Variants in ANO4 observed in about 807,000 individuals in gnomAD.
ANO4 encodes the protein anoctamin-4.
Under a neutral mutation model 141.9 loss-of-function variants are expected in ANO4, and 69 were observed. That is an observed-to-expected ratio of 0.49 (90% CI 0.40 to 0.59). The LOEUF is 0.59. Among genes scored for constraint, ANO4 ranks in the 20% least tolerant of loss-of-function variants. ANO4 has a pLI of 0.00. For synonymous variants in ANO4, 350 were observed against 394.3 expected (o/e 0.89, Z 1.33); for missense variants, 894 against 1,162.2 (o/e 0.77, Z 3.36).
intron 9 of ANO4, among the ~76,000 whole-genome samples, chr12:101,028,020 C>T (rs367925920): frequency 3.9e-5 from 6 of 152,136 alleles, no homozygotes; most frequent in East Asian, 3.9e-4. Context: ...TCTCCAGGTG[C>T]GGGAGCGAAC....
intron 1 of ANO4, among the ~76,000 whole-genome samples, chr12:100,828,164 C>A (rs369513526): frequency 1.3e-5 from 2 of 152,060 alleles, no homozygotes; most frequent in African/African-American, 4.8e-5. Context: ...TACCTACCTT[C>A]AGACCATTTC....
intron 1 of ANO4, among the ~76,000 whole-genome samples, chr12:100,801,543 G>C (rs1481498355): frequency 2.7e-5 from 4 of 150,060 alleles, no homozygotes; most frequent in African/African-American, 9.8e-5. Flanking sequence ...CCTCCAGAAA[G>C]CCACAAACTA....
chr12:100,831,462 A>G (rs1284077206), intron 1 of ANO4, among the ~76,000 whole-genome samples: 1 of 152,072 alleles, frequency 6.6e-6, no homozygotes, highest in Non-Finnish European at 1.5e-5. Context: ...CTATTATATA[A>G]CAAGTCCCGT....
intron 14 of ANO4, among the ~76,000 whole-genome samples, chr12:101,070,292 A>G (rs937583854): frequency 2.6e-5 from 4 of 152,128 alleles, no homozygotes; most frequent in Non-Finnish European, 4.4e-5. Context: ...GTAACCAAAA[A>G]GGCCAAGTAC....
At chr12:101,097,423 A>G (rs1270221376) in intron 19 of ANO4, among the ~76,000 whole-genome samples, 1 of 152,182 alleles carries the variant, frequency 6.6e-6, no homozygotes, top group Non-Finnish European at 1.5e-5. Context: ...AAGCAGCAAG[A>G]ACTGGCTTCT....
At chr12:101,034,076 G>GGCTCT (rs2047095575) in intron 9 of ANO4, among the ~76,000 whole-genome samples, 1 of 152,188 alleles carries the variant, frequency 6.6e-6, no homozygotes, top group Non-Finnish European at 1.5e-5. Flanking sequence ...GGAAGACAGT[G>GGCTCT]TGGGGATTCC....
chr12:100,919,059 A>C (rs2041482451), intron 2 of ANO4, among the ~76,000 whole-genome samples: 1 of 152,198 alleles, frequency 6.6e-6, no homozygotes, highest in African/African-American at 2.4e-5. Context: ...ATGCTTATAG[A>C]ATATGGATAT....
chr12:100,752,322 C>CCTA (rs1225890097), intron 3 of ANO4, among the ~76,000 whole-genome samples: 7 of 151,920 alleles, frequency 4.6e-5, no homozygotes, highest in East Asian at 1.9e-4. Flanking sequence ...TGTATTGTGA[C>CCTA]CTACTACTAC....
At chr12:101,036,314 A>G (rs1337311326) in intron 9 of ANO4, among the ~76,000 whole-genome samples, 1 of 152,172 alleles carries the variant, frequency 6.6e-6, no homozygotes, top group African/African-American at 2.4e-5. Flanking sequence ...TAAAAAATGA[A>G]CTACCGTATG....
At chr12:100,748,147 T>C (rs2135489577) in intron 3 of ANO4, among the ~76,000 whole-genome samples, 1 of 152,306 alleles carries the variant, frequency 6.6e-6, no homozygotes, top group Non-Finnish European at 1.5e-5. Flanking sequence ...CCCAATGTTA[T>C]GTTGCTATGA....
At chr12:100,835,498 G>A (rs1051874754) in intron 1 of ANO4, among the ~76,000 whole-genome samples, 2 of 152,118 alleles carry the variant, frequency 1.3e-5, no homozygotes, top group African/African-American at 4.8e-5. Flanking sequence ...TTGCTTTGAT[G>A]TTGTAAAGTA....
intron 14 of ANO4, among the ~76,000 whole-genome samples, chr12:101,074,990 G>A (rs2048965245): frequency 6.6e-6 from 1 of 152,130 alleles, no homozygotes; most frequent in African/African-American, 2.4e-5. Flanking sequence ...TCATAGATAT[G>A]ATCTGGGTTT....
At chr12:101,073,592 T>TAATAATAATAATAAA in intron 14 of ANO4, among the ~76,000 whole-genome samples, 1 of 143,716 alleles carries the variant, frequency 7.0e-6, no homozygotes, top group African/African-American at 2.5e-5. Context: ...ATAATAATAA[T>TAATAATAATAATAAA]AATAAAAGAA....
At chr12:101,095,476 A>G (rs909833092) in intron 18 of ANO4, among the ~76,000 whole-genome samples, 1 of 152,192 alleles carries the variant, frequency 6.6e-6, no homozygotes, top group Non-Finnish European at 1.5e-5. Flanking sequence ...GTTCAGTAGC[A>G]GAAGTGAAAC....
chr12:100,841,084 T>C (rs1258112685), intron 1 of ANO4, among the ~76,000 whole-genome samples: 3 of 152,116 alleles, frequency 2.0e-5, no homozygotes, highest in Non-Finnish European at 4.4e-5. Flanking sequence ...AAAAGATGCC[T>C]GTGCCTCATC....
chr12:100,869,108 A>G (rs538371467), intron 1 of ANO4, among the ~76,000 whole-genome samples: 89 of 152,258 alleles, frequency 5.8e-4, no homozygotes, highest in African/African-American at 2.0e-3. Flanking sequence ...CTGGTACTCA[A>G]CCTGAAACAC....
At chr12:100,768,785 T>G (rs1210072982) in intron 3 of ANO4, among the ~76,000 whole-genome samples, 1 of 152,226 alleles carries the variant, frequency 6.6e-6, no homozygotes, top group East Asian at 1.9e-4. Context: ...AATGGTATAA[T>G]TTTCCTGAAT....
intron 1 of ANO4, among the ~76,000 whole-genome samples, chr12:100,795,845 TGGCAGATTGTTTATTCCAGGGAC>T (rs2034278373): frequency 6.6e-6 from 1 of 152,174 alleles, no homozygotes; most frequent in African/African-American, 2.4e-5. Context: ...ACTATGGATG[TGGCAGATTGTTTATTCCAGGGAC>T]ATTACTCTTA....
chr12:101,017,198 G>A (rs540553182), intron 8 of ANO4, among the ~76,000 whole-genome samples: 6 of 152,224 alleles, frequency 3.9e-5, no homozygotes, highest in Non-Finnish European at 8.8e-5. Flanking sequence ...GGTGGAAGAT[G>A]AAGGAGGAGC....
Sources: gnomAD v4.1 joint callset for allele counts (sites outside exome capture counted in the v4.1 genomes callset) on GRCh38, gnomAD v4.1.1 for gene constraint, MANE v1.5 for transcripts, NCBI Gene and HGNC (gene_info 2026-07-23, HGNC 2026-07-21) for gene names.